Variants in RBFOX1 observed in about 807,000 individuals in gnomAD.
The protein encoded by RBFOX1 is RNA binding fox-1 homolog 1, also known as RNA binding protein fox-1 homolog 1.
A neutral mutation model predicts 57.7 loss-of-function variants in RBFOX1; 8 were observed. That is an observed-to-expected ratio of 0.14 (90% CI 0.08 to 0.25). RBFOX1 has a LOEUF of 0.25. Ranked by LOEUF, RBFOX1 falls within the 10% of genes least tolerant of loss-of-function variation. RBFOX1 has a pLI of 1.00. For missense variants in RBFOX1, 611 were observed against 548.5 expected (o/e 1.11, Z -1.14); for synonymous variants, 326 against 222.4 (o/e 1.47, Z -4.15).
chr16:5,779,603 T>C (rs976224812), intron 3 of RBFOX1, among the ~76,000 whole-genome samples: 1 of 152,234 alleles, frequency 6.6e-6, no homozygotes, highest in African/African-American at 2.4e-5. Flanking sequence ...TTGTGAATGT[T>C]GGTGAGCTAA....
At chr16:6,246,800 G>A (rs1473589209) in intron 1 of RBFOX1, among the ~76,000 whole-genome samples, 3 of 152,148 alleles carry the variant, frequency 2.0e-5, no homozygotes, top group African/African-American at 7.2e-5. Context: ...TGGGCATTGT[G>A]GCTCACGCCT....
chr16:6,574,849 T>G (rs1209425760), intron 2 of RBFOX1, among the ~76,000 whole-genome samples: 4 of 147,526 alleles, frequency 2.7e-5, no homozygotes, highest in African/African-American at 9.9e-5. Context: ...CCATCCTGGA[T>G]AACACGGTGA....
rs1568641697 is a variant in RBFOX1 at position 7,712,669 on chromosome 16, G to C, written c.*1924G>C. The C allele has an allele frequency of 6.6e-6, 1 of 152,228 alleles. No individual in the cohort carries two copies. Among genetic ancestry groups the C allele is most frequent in the African/African-American group, 2.4e-5 (1 of 41,434 alleles). The allele number at this position is 152,228 out of a possible 1,614,324, so 9.4% of individuals were successfully genotyped here. On this transcript the variant is annotated 3_prime_UTR_variant, in exon 16 of 16. Transcript: ENST00000550418. ...AGAGGGTGTTTTATAGCATCACTAA[G>C]ACATTCTCATTCCCCCACCTGGAAA...
intron 15 of RBFOX1, 128 bp from the exon 16 acceptor site, chr16:7,710,495 G>A: frequency 6.4e-7 from 1 of 1,551,350 alleles, no homozygotes; most frequent in Non-Finnish European, 8.6e-7. Flanking sequence ...GAATGACCTG[G>A]GATGGGTAGG....
At position 7,373,313 on chromosome 16, in the gene RBFOX1, A is replaced by C. The variant is rs35768351; in HGVS notation, c.28-144834A>C. ...AACATACGTTACATTTGAATTTAGA[A>C]CATAAAGATCACAATACATGTTATA... On this transcript the variant is annotated intron_variant, in intron 4 of 15. Transcript: ENST00000550418. Among the ~76,000 whole-genome samples, 278 of 152,262 alleles carry C rather than the reference A, an allele frequency of 1.8e-3. 5 individuals carry two copies. The highest frequency in any genetic ancestry group is 7.9e-4 in the Non-Finnish European group (54 of 68,036).
At chr16:5,275,294 G>T (rs930203236) in intron 1 of RBFOX1, among the ~76,000 whole-genome samples, 1 of 152,226 alleles carries the variant, frequency 6.6e-6, no homozygotes, top group East Asian at 1.9e-4. Context: ...TCATTTCTTT[G>T]TGTTGGGAAT....
chr16:6,173,636 G>C (rs1369674634), intron 1 of RBFOX1, among the ~76,000 whole-genome samples: 1 of 112,202 alleles, frequency 8.9e-6, no homozygotes, highest in Non-Finnish European at 1.7e-5. Context: ...TTGAGATAGA[G>C]TCTCATTCTG....
intron 3 of RBFOX1, among the ~76,000 whole-genome samples, chr16:5,725,570 T>G (rs946494487): frequency 1.3e-5 from 2 of 151,704 alleles, no homozygotes; most frequent in African/African-American, 4.8e-5. Context: ...GCTCATAGCT[T>G]AAGATATGTT....
chr16:6,918,579 C>T (rs560634636), intron 3 of RBFOX1, among the ~76,000 whole-genome samples: 2 of 152,042 alleles, frequency 1.3e-5, no homozygotes, highest in East Asian at 1.9e-4. Context: ...GAATAAGTAA[C>T]CAGGGACATA....
At chr16:5,744,604 G>A (rs913505485) in intron 3 of RBFOX1, among the ~76,000 whole-genome samples, 1 of 152,142 alleles carries the variant, frequency 6.6e-6, no homozygotes. Context: ...AGGGCTTTTT[G>A]TGAGGAGTGG....
chr16:5,567,634 GC>G (rs1475411449), intron 2 of RBFOX1, among the ~76,000 whole-genome samples: 2 of 10,444 alleles, frequency 1.9e-4, no homozygotes, highest in African/African-American at 3.0e-4. Context: ...CAGGTTATAG[GC>G]AAAAAAAAAA....
intron 4 of RBFOX1, among the ~76,000 whole-genome samples, chr16:7,128,349 G>C (rs901336798): frequency 2.7e-5 from 4 of 149,178 alleles, no homozygotes; most frequent in African/African-American, 9.9e-5. Flanking sequence ...GAACAGTTCT[G>C]TCACTTAGCT....
intron 11 of RBFOX1, among the ~76,000 whole-genome samples, chr16:7,635,557 C>T (rs1240030355): frequency 6.6e-6 from 1 of 151,814 alleles, no homozygotes; most frequent in Non-Finnish European, 1.5e-5. Flanking sequence ...AGGACATACA[C>T]ACATGCAATG....
intron 4 of RBFOX1, among the ~76,000 whole-genome samples, chr16:6,009,740 C>G (rs1035142582): frequency 2.0e-5 from 3 of 151,820 alleles, no homozygotes; most frequent in Non-Finnish European, 4.4e-5. Context: ...TGTTGTTGGA[C>G]AAAATGCACT....
intron 3 of RBFOX1, among the ~76,000 whole-genome samples, chr16:5,741,638 C>T (rs866573656): frequency 4.6e-5 from 7 of 152,110 alleles, no homozygotes; most frequent in East Asian, 3.8e-4. Flanking sequence ...CAATTTATTG[C>T]GACACATATA....
chr16:5,747,389 C>A (rs1253230488), intron 3 of RBFOX1, among the ~76,000 whole-genome samples: 2 of 152,176 alleles, frequency 1.3e-5, no homozygotes, highest in Non-Finnish European at 2.9e-5. Flanking sequence ...CAGGATGACG[C>A]TGGCCTCATA....
chr16:7,448,092 A>T (rs1009706821), intron 4 of RBFOX1, among the ~76,000 whole-genome samples: 3 of 152,254 alleles, frequency 2.0e-5, no homozygotes, highest in African/African-American at 7.2e-5. Flanking sequence ...TACTCTTAAG[A>T]TGCAGCATTT....
At chr16:5,511,247 C>A (rs1048346288) in intron 2 of RBFOX1, among the ~76,000 whole-genome samples, 6 of 152,172 alleles carry the variant, frequency 3.9e-5, no homozygotes, top group African/African-American at 1.4e-4. Context: ...GCTGGCGGAA[C>A]TGAGATGCTT....
At chr16:5,567,853 C>G (rs1345569451) in intron 2 of RBFOX1, among the ~76,000 whole-genome samples, 3 of 152,086 alleles carry the variant, frequency 2.0e-5, no homozygotes, top group African/African-American at 7.2e-5. Context: ...CCACGACTTT[C>G]TTATTAAGGA....
Sources: allele counts gnomAD v4.1 joint callset (sites outside exome capture counted in the v4.1 genomes callset), GRCh38; gene constraint gnomAD v4.1.1; transcripts MANE v1.5; gene names NCBI Gene and HGNC (gene_info 2026-07-23, HGNC 2026-07-21).